The following DAB1 variants were observed in gnomAD, a reference collection of about 807,000 sequenced individuals.
DAB1 encodes the protein disabled homolog 1.
A neutral mutation model predicts 64.6 loss-of-function variants in DAB1; 15 were observed. The ratio of observed to expected loss-of-function variants is 0.23; its 90% CI spans 0.16 to 0.36. DAB1 has a LOEUF of 0.36. Ranked by LOEUF, DAB1 falls within the 10% of genes least tolerant of loss-of-function variation. The pLI is 1.00. For synonymous variants in DAB1, 235 were observed against 251.9 expected (o/e 0.93, Z 0.64); for missense variants, 596 against 706.7 (o/e 0.84, Z 1.78).
intron 4 of DAB1, among the ~76,000 whole-genome samples, chr1:58,280,630 C>T (rs1661536935): frequency 6.6e-6 from 1 of 152,176 alleles, no homozygotes; most frequent in Non-Finnish European, 1.5e-5. Flanking sequence ...ATTTCTAAAT[C>T]CTACCTGGCA....
chr1:57,217,015 T>C (rs901987878), intron 2 of DAB1, among the ~76,000 whole-genome samples: 2 of 152,208 alleles, frequency 1.3e-5, no homozygotes, highest in Non-Finnish European at 2.9e-5. Context: ...CCTGATATTA[T>C]GGTGAGTTTT....
chr1:57,193,569 G>A (rs1241668914), intron 2 of DAB1, among the ~76,000 whole-genome samples: 2 of 151,760 alleles, frequency 1.3e-5, no homozygotes, highest in Non-Finnish European at 2.9e-5. Context: ...TGTACTTTTA[G>A]TAGAGACGGG....
intron 5 of DAB1, among the ~76,000 whole-genome samples, chr1:57,923,893 G>A (rs1003830315): frequency 1.3e-5 from 2 of 152,154 alleles, no homozygotes; most frequent in African/African-American, 2.4e-5. Context: ...CAAATTTCAT[G>A]CAAATGCAAG....
At chr1:57,173,274 A>C (rs913315772) in intron 2 of DAB1, among the ~76,000 whole-genome samples, 2 of 152,152 alleles carry the variant, frequency 1.3e-5, no homozygotes, top group Admixed American at 1.3e-4. Context: ...GAGCATCCCT[A>C]ATCCAAAATG....
At chr1:58,118,525 T>TATATATATAAAATACATATATATAC (rs1570375024) in intron 5 of DAB1, among the ~76,000 whole-genome samples, 1 of 114,252 alleles carries the variant, frequency 8.8e-6, no homozygotes, top group Non-Finnish European at 1.7e-5. Flanking sequence ...CACACACATA[T>TATATATATAAAATACATATATATAC]ATATATATAA....
chr1:57,967,927 T>C (rs1483688551), intron 5 of DAB1, among the ~76,000 whole-genome samples: 2 of 152,198 alleles, frequency 1.3e-5, no homozygotes, highest in Non-Finnish European at 2.9e-5. Flanking sequence ...TTTTGCATTT[T>C]CGTATATAAA....
At chr1:57,347,016 C>G (rs1012604798) in intron 1 of DAB1, among the ~76,000 whole-genome samples, 2 of 151,998 alleles carry the variant, frequency 1.3e-5, no homozygotes, top group Non-Finnish European at 2.9e-5. Context: ...CAAAATATAC[C>G]TTTTCTAATG....
chr1:57,272,277 A>G (rs1310919325), intron 2 of DAB1, among the ~76,000 whole-genome samples: 2 of 152,186 alleles, frequency 1.3e-5, no homozygotes, highest in Admixed American at 6.5e-5. Flanking sequence ...AGACCATTCA[A>G]GTGTTGAGCT....
intron 5 of DAB1, among the ~76,000 whole-genome samples, chr1:58,047,732 C>T (rs1322344907): frequency 2.0e-5 from 3 of 152,208 alleles, no homozygotes; most frequent in African/African-American, 7.2e-5. Flanking sequence ...TATTGACACT[C>T]TCTCAGGCCA....
intron 2 of DAB1, among the ~76,000 whole-genome samples, chr1:57,241,344 C>G (rs1476686826): frequency 6.6e-6 from 1 of 152,168 alleles, no homozygotes; most frequent in Admixed American, 6.5e-5. Flanking sequence ...GCTGGTATGA[C>G]CTTTTTCAGT....
In DAB1 at chr1:57,889,908, G is replaced by GAC; in HGVS notation, n.388-5747_388-5746insGT. Among the ~76,000 whole-genome samples the GAC allele has an allele frequency of 5.5e-5, 5 of 90,458 alleles. 2 individuals carry two copies. In the South Asian group the frequency reaches 2.3e-3, roughly 41 times the overall value. 59.3% of individuals were successfully genotyped at this position (90,458 alleles called of 152,430 possible). ...GTAGCACAAACTGGGGCGGGGGGGG[G>GAC]GGAGGGGGAAGAAATCACTGGAGTA... On this transcript the variant is annotated intron_variant and non_coding_transcript_variant, in intron 5 of 20. Coordinates refer to the DAB1 transcript ENST00000485760.
chr1:57,598,008 A>G (rs908998310), intron 7 of DAB1, among the ~76,000 whole-genome samples: 1 of 152,044 alleles, frequency 6.6e-6, no homozygotes. Flanking sequence ...TTTGAGACGG[A>G]GTCTCGCTTT....
intron 7 of DAB1, among the ~76,000 whole-genome samples, chr1:57,623,721 T>C (rs1308326992): frequency 6.6e-6 from 1 of 152,068 alleles, no homozygotes; most frequent in Non-Finnish European, 1.5e-5. Context: ...TTTGAAATAG[T>C]CAGAATTTGA....
At chr1:58,377,324 T>C (rs1644337885) in intron 3 of DAB1, among the ~76,000 whole-genome samples, 1 of 142,166 alleles carries the variant, frequency 7.0e-6, no homozygotes, top group Non-Finnish European at 1.5e-5. Flanking sequence ...GTACCGGTTG[T>C]TCCTTTCCAT....
intron 7 of DAB1, among the ~76,000 whole-genome samples, chr1:57,462,331 A>G (rs1416899217): frequency 6.6e-6 from 1 of 152,186 alleles, no homozygotes; most frequent in Non-Finnish European, 1.5e-5. Context: ...GTGAGTTTAC[A>G]GAAGTCATGT....
chr1:58,093,552 G>C (rs1200787273), intron 5 of DAB1, among the ~76,000 whole-genome samples: 1 of 152,058 alleles, frequency 6.6e-6, no homozygotes, highest in Non-Finnish European at 1.5e-5. Flanking sequence ...ATGTCTGATG[G>C]TTTGAGGTGG....
chr1:57,139,523 C>G (rs1658405624), intron 3 of DAB1, among the ~76,000 whole-genome samples: 1 of 152,182 alleles, frequency 6.6e-6, no homozygotes, highest in Non-Finnish European at 1.5e-5. Flanking sequence ...AAGGAAAGTA[C>G]TGAAAGGACT....
chr1:57,306,614 G>A (rs943585131), intron 1 of DAB1, among the ~76,000 whole-genome samples: 10 of 148,818 alleles, frequency 6.7e-5, no homozygotes, highest in Non-Finnish European at 1.0e-4. Context: ...GTTCAGGCAA[G>A]CACTTGGTAA....
At chr1:57,852,217 C>T (rs1448676160) in intron 1 of DAB1, among the ~76,000 whole-genome samples, 2 of 152,138 alleles carry the variant, frequency 1.3e-5, no homozygotes, top group South Asian at 4.1e-4. Flanking sequence ...GCCCTGTTCC[C>T]TGGGGGAAAG....
Sources: gnomAD v4.1 joint callset for allele counts (sites outside exome capture counted in the v4.1 genomes callset) on GRCh38, gnomAD v4.1.1 for gene constraint, MANE v1.5 for transcripts, NCBI Gene and HGNC (gene_info 2026-07-23, HGNC 2026-07-21) for gene names.